The following RNF180 variants were observed in gnomAD, a reference collection of about 807,000 sequenced individuals.
RNF180 encodes the protein E3 ubiquitin-protein ligase RNF180.
A neutral mutation model predicts 59.2 loss-of-function variants in RNF180; 38 were observed. The ratio of observed to expected loss-of-function variants is 0.64; its 90% confidence interval spans 0.50 to 0.84. The LOEUF (loss-of-function observed/expected upper bound fraction) is 0.84, where lower values mean the gene tolerates loss of function less well. Ranked by LOEUF, RNF180 falls within the 40% of genes least tolerant of loss-of-function variation. The pLI, the probability that RNF180 is intolerant of heterozygous loss-of-function variation, is 0.00. For synonymous variants in RNF180, 262 were observed against 240.3 expected (o/e 1.09, Z -0.84); for missense variants, 705 against 700.9 (o/e 1.01, Z -0.07).
intron 5 of RNF180, among the ~76,000 whole-genome samples, chr5:64,228,701 A>T (rs1741921239): frequency 6.6e-6 from 1 of 151,992 alleles, no homozygotes; most frequent in Admixed American, 6.6e-5. Flanking sequence ...ATAAGTCATT[A>T]CCCTAATATT....
At chr5:64,188,275 A>G (rs183748293) in intron 1 of RNF180, among the ~76,000 whole-genome samples, 109 of 152,210 alleles carry the variant, frequency 7.2e-4, no homozygotes, top group African/African-American at 2.2e-3. Context: ...CTATTTCTTT[A>G]TATCTACAAA....
chr5:64,335,041 G>C (rs1745063298), intron 7 of RNF180, among the ~76,000 whole-genome samples: 1 of 152,104 alleles, frequency 6.6e-6, no homozygotes, highest in South Asian at 2.1e-4. Flanking sequence ...CAGTCTTTTA[G>C]ATTTTACTGA....
intron 2 of RNF180, among the ~76,000 whole-genome samples, chr5:64,205,599 C>CG (rs943843512): frequency 2.0e-5 from 3 of 152,038 alleles, no homozygotes; most frequent in African/African-American, 7.2e-5. Flanking sequence ...GGAGGCTGCT[C>CG]GGTTCTATGG....
At position 64,319,815 on chromosome 5, in the gene RNF180, C is replaced by G. The variant is rs111497753; in HGVS notation, c.1228-5371C>G. Reference sequence around the variant, plus strand: ...TTTTATTATGAAAACAAACTAGCAGCAGTCAAAACAAAACAAATATTTTGT... The same window carrying G: ...TTTTATTATGAAAACAAACTAGCAGGAGTCAAAACAAAACAAATATTTTGT... On this transcript the variant is annotated intron_variant, in intron 5 of 7. Coordinates refer to ENST00000389100, the MANE Select transcript of RNF180 (RefSeq NM_001113561.2). Among the ~76,000 whole-genome samples, 4 of 152,330 alleles carry G rather than the reference C, an allele frequency of 2.6e-5. 1 individual carries two copies. The highest frequency in any genetic ancestry group is 9.6e-5 in the African/African-American group (4 of 41,580).
At chr5:64,210,396 A>C (rs191624113) in intron 2 of RNF180, among the ~76,000 whole-genome samples, 2 of 152,268 alleles carry the variant, frequency 1.3e-5, no homozygotes, top group East Asian at 3.9e-4. Context: ...TGGCATCCAC[A>C]GATGTCTTAG....
At chr5:64,362,485 C>T (rs1746296514) in intron 7 of RNF180, among the ~76,000 whole-genome samples, 1 of 151,726 alleles carries the variant, frequency 6.6e-6, no homozygotes, top group African/African-American at 2.4e-5. Context: ...ATCCAGTCTA[C>T]CATTCTTGGG....
intron 5 of RNF180, among the ~76,000 whole-genome samples, chr5:64,233,729 C>T (rs1037868285): frequency 7.2e-5 from 11 of 152,196 alleles, no homozygotes; most frequent in African/African-American, 2.4e-4. Flanking sequence ...CTTTCACTTA[C>T]TCTGGGGACT....
At chr5:64,322,335 G>A (rs1482314923) in intron 5 of RNF180, among the ~76,000 whole-genome samples, 5 of 151,812 alleles carry the variant, frequency 3.3e-5, no homozygotes, top group Admixed American at 2.0e-4. Context: ...AAAAAGTGGG[G>A]AAAGGGTATG....
chr5:64,273,924 T>C (rs879349605), intron 5 of RNF180, among the ~76,000 whole-genome samples: 5 of 151,986 alleles, frequency 3.3e-5, no homozygotes, highest in African/African-American at 7.2e-5. Flanking sequence ...AAAAAACATA[T>C]TGGAATTGTT....
intron 5 of RNF180, among the ~76,000 whole-genome samples, chr5:64,263,610 A>G (rs923965813): frequency 6.6e-6 from 1 of 152,180 alleles, no homozygotes; most frequent in Non-Finnish European, 1.5e-5. Flanking sequence ...TTGTTTCCTC[A>G]GCTGCACAAA....
chr5:64,239,865 G>T (rs747530099), intron 5 of RNF180, among the ~76,000 whole-genome samples: 2 of 152,004 alleles, frequency 1.3e-5, no homozygotes, highest in Non-Finnish European at 2.9e-5. Context: ...AGTTCTACTT[G>T]GCATTACAAT....
intron 5 of RNF180, among the ~76,000 whole-genome samples, chr5:64,226,685 A>C (rs571605349): frequency 1.3e-5 from 2 of 152,120 alleles, no homozygotes; most frequent in African/African-American, 4.8e-5. Flanking sequence ...AAAAGAAAAA[A>C]TTTTTGTTGT....
intron 7 of RNF180, among the ~76,000 whole-genome samples, chr5:64,350,467 A>G (rs1321591494): frequency 6.6e-6 from 1 of 152,054 alleles, no homozygotes. Flanking sequence ...GGTGTTTTAG[A>G]CATGAAGTCC....
At chr5:64,296,237 C>T (rs1213256553) in intron 5 of RNF180, among the ~76,000 whole-genome samples, 1 of 152,102 alleles carries the variant, frequency 6.6e-6, no homozygotes, top group African/African-American at 2.4e-5. Context: ...CTGATATTTA[C>T]CCTATCTTAC....
At chr5:64,342,534 A>T (rs1020564570) in intron 7 of RNF180, among the ~76,000 whole-genome samples, 1 of 152,150 alleles carries the variant, frequency 6.6e-6, no homozygotes, top group Non-Finnish European at 1.5e-5. Context: ...AAAAGACAGA[A>T]TGAAATCTCT....
intron 5 of RNF180, among the ~76,000 whole-genome samples, chr5:64,227,870 A>C (rs541425305): frequency 2.0e-4 from 31 of 152,330 alleles, no homozygotes; most frequent in African/African-American, 7.5e-4. Context: ...GTCAACCAAG[A>C]TGTACACTGC....
intron 2 of RNF180, among the ~76,000 whole-genome samples, chr5:64,208,926 C>T (rs1426905859): frequency 6.6e-6 from 1 of 151,948 alleles, no homozygotes; most frequent in Non-Finnish European, 1.5e-5. Context: ...TTTTTCTAAA[C>T]ATACCTCTCC....
chr5:64,212,997 G>A (rs1359240357), intron 3 of RNF180, among the ~76,000 whole-genome samples: 2 of 152,148 alleles, frequency 1.3e-5, no homozygotes, highest in Non-Finnish European at 2.9e-5. Context: ...ATCTCAGTTG[G>A]AAAGATAATT....
chr5:64,364,565 G>T (rs1746376365), intron 7 of RNF180, among the ~76,000 whole-genome samples: 1 of 151,672 alleles, frequency 6.6e-6, no homozygotes, highest in Admixed American at 6.6e-5. Context: ...GCAAGGCTTT[G>T]CTATCAGGAT....
Sources: allele counts gnomAD v4.1 joint callset (sites outside exome capture counted in the v4.1 genomes callset), GRCh38; gene constraint gnomAD v4.1.1; transcripts MANE v1.5; gene names NCBI Gene and HGNC (gene_info 2026-07-23, HGNC 2026-07-21).